CSMD1: variants seen among roughly 807,000 people sequenced by gnomAD.
CSMD1 encodes the protein CUB and sushi domain-containing protein 1.
In CSMD1, 213 loss-of-function variants were observed where a neutral mutation model predicts 417.5. That is an observed-to-expected ratio of 0.51 (90% CI 0.46 to 0.57). CSMD1 has a LOEUF of 0.57. CSMD1 is among the 20% of genes least tolerant of loss of function. The pLI is 0.00. For synonymous variants in CSMD1, 2,862 were observed against 1,736.8 expected (o/e 1.65, Z -16.11); for missense variants, 6,923 against 4,529.7 (o/e 1.53, Z -15.17).
intron 3 of CSMD1, among the ~76,000 whole-genome samples, chr8:4,164,816 C>T (rs890400928): frequency 6.6e-6 from 1 of 151,646 alleles, no homozygotes; most frequent in Non-Finnish European, 1.5e-5. Context: ...GTGGAGCTTG[C>T]AGTGAGCTGA....
At chr8:3,568,928 A>T (rs954332275) in intron 10 of CSMD1, among the ~76,000 whole-genome samples, 1 of 152,128 alleles carries the variant, frequency 6.6e-6, no homozygotes, top group Non-Finnish European at 1.5e-5. Context: ...TTTTGAGAGA[A>T]TTTTATCTTA....
At chr8:3,836,653 G>A (rs1051675274) in intron 5 of CSMD1, among the ~76,000 whole-genome samples, 1 of 152,100 alleles carries the variant, frequency 6.6e-6, no homozygotes, top group Non-Finnish European at 1.5e-5. Flanking sequence ...TTCACAACAT[G>A]AGACACGTGA....
At chr8:3,699,497 C>T (rs919722492) in intron 7 of CSMD1, among the ~76,000 whole-genome samples, 17 of 152,286 alleles carry the variant, frequency 1.1e-4, no homozygotes, top group Non-Finnish European at 1.3e-4. Flanking sequence ...GACTTGGTGG[C>T]GCCTCACATG....
chr8:3,772,874 G>C (rs1315775710), intron 5 of CSMD1, among the ~76,000 whole-genome samples: 2 of 151,892 alleles, frequency 1.3e-5, no homozygotes, highest in African/African-American at 2.4e-5. Flanking sequence ...AGTGCATTCA[G>C]GGTGACAATG....
At chr8:3,452,038 T>C (rs142506836) in intron 12 of CSMD1, among the ~76,000 whole-genome samples, 64,286 of 151,972 alleles carry the variant, frequency 0.42, 14,190 homozygotes, top group Middle Eastern at 0.52. Context: ...TCACATCCCT[T>C]GTAAGTTGGA....
At chr8:4,844,575 T>C (rs1266862500) in intron 1 of CSMD1, among the ~76,000 whole-genome samples, 1 of 152,158 alleles carries the variant, frequency 6.6e-6, no homozygotes, top group Non-Finnish European at 1.5e-5. Context: ...GTGCACAACA[T>C]TAAATGGACA....
intron 2 of CSMD1, among the ~76,000 whole-genome samples, chr8:4,582,025 G>C (rs1799443571): frequency 6.6e-6 from 1 of 152,080 alleles, no homozygotes; most frequent in Non-Finnish European, 1.5e-5. Context: ...AAATGAAACA[G>C]CATCGCAGAG....
intron 3 of CSMD1, among the ~76,000 whole-genome samples, chr8:4,052,898 G>A (rs1034536756): frequency 4.6e-5 from 7 of 152,110 alleles, no homozygotes; most frequent in African/African-American, 1.2e-4. Flanking sequence ...AGACCACAAT[G>A]CCAGACGTAC....
chr8:4,731,597 A>T (rs1234383176), intron 1 of CSMD1, among the ~76,000 whole-genome samples: 1 of 152,186 alleles, frequency 6.6e-6, no homozygotes, highest in Non-Finnish European at 1.5e-5. Flanking sequence ...GAGGAATAAA[A>T]CTGAATAAAA....
chr8:3,566,413 T>C (rs1799709985), intron 10 of CSMD1, among the ~76,000 whole-genome samples: 1 of 151,942 alleles, frequency 6.6e-6, no homozygotes, highest in Admixed American at 6.6e-5. Context: ...CATACAGCCA[T>C]CCCTTCACTC....
At chr8:3,565,091 G>GA (rs1297358801) in intron 10 of CSMD1, among the ~76,000 whole-genome samples, 5 of 46,832 alleles carry the variant, frequency 1.1e-4, no homozygotes, top group South Asian at 1.5e-3. Context: ...AATAAATATT[G>GA]AAAAAAAATA....
intron 5 of CSMD1, among the ~76,000 whole-genome samples, chr8:3,966,728 C>T (rs1414249903): frequency 9.6e-6 from 1 of 103,844 alleles, no homozygotes; most frequent in African/African-American, 4.2e-5. Context: ...CATTCACACA[C>T]ACAGACACAC....
At chr8:4,337,344 A>G (rs925666793) in intron 3 of CSMD1, among the ~76,000 whole-genome samples, 1 of 152,032 alleles carries the variant, frequency 6.6e-6, no homozygotes, top group South Asian at 2.1e-4. Context: ...AGCAACCGAC[A>G]TTGTTGCAAA....
In CSMD1 at chr8:4,139,364, G is replaced by A. The variant is rs149221956; in HGVS notation, c.416-107265C>T. On this transcript the variant is annotated intron_variant, in intron 3 of 69. Coordinates refer to ENST00000635120, the MANE Select transcript of CSMD1 (RefSeq NM_033225.6). ...TGAAAATTTTTTGACCAGGTAGAGG[G>A]TATCACAGTGGTGTTTGAGCTGCTT... 7.0e-3 allele frequency among the ~76,000 whole-genome samples: 1,066 copies of A among 152,260 alleles called. 11 individuals are homozygous for A. Among genetic ancestry groups the A allele is most frequent in the Middle Eastern group, 0.027 (8 of 294 alleles).
chr8:3,426,839 T>A (rs1008846916), intron 12 of CSMD1, among the ~76,000 whole-genome samples: 3 of 152,316 alleles, frequency 2.0e-5, no homozygotes, highest in Middle Eastern at 3.4e-3. Flanking sequence ...TAGTCCATAT[T>A]TGTACTACTA....
chr8:3,459,267 G>A (rs566451473), intron 12 of CSMD1, among the ~76,000 whole-genome samples: 6 of 152,226 alleles, frequency 3.9e-5, no homozygotes, highest in Non-Finnish European at 8.8e-5. Context: ...ATGGACCAGA[G>A]TGAGCAGGGT....
At chr8:3,622,108 AC>A (rs1321002697) in intron 7 of CSMD1, among the ~76,000 whole-genome samples, 2 of 152,088 alleles carry the variant, frequency 1.3e-5, no homozygotes, top group African/African-American at 4.8e-5. Context: ...GTGCTGGGGT[AC>A]AGTTCTCAAT....
chr8:3,248,956 C>G (rs968709801), intron 26 of CSMD1, among the ~76,000 whole-genome samples: 1 of 152,072 alleles, frequency 6.6e-6, no homozygotes, highest in African/African-American at 2.4e-5. Flanking sequence ...TCCCCGCACT[C>G]CACCTCGGTC....
chr8:4,332,678 C>T (rs569948870), intron 3 of CSMD1, among the ~76,000 whole-genome samples: 26 of 151,504 alleles, frequency 1.7e-4, no homozygotes, highest in African/African-American at 4.9e-4. Flanking sequence ...TAGCTGGCAC[C>T]CCTGGGGGAA....
Sources: allele counts gnomAD v4.1 joint callset (sites outside exome capture counted in the v4.1 genomes callset), GRCh38; gene constraint gnomAD v4.1.1; transcripts MANE v1.5; gene names NCBI Gene and HGNC (gene_info 2026-07-23, HGNC 2026-07-21).